The following DGKQ variants were observed in gnomAD, a reference collection of about 807,000 sequenced individuals.
DGKQ encodes the protein diacylglycerol kinase theta.
Under a neutral mutation model 104.2 loss-of-function variants are expected in DGKQ, and 97 were observed. The ratio of observed to expected loss-of-function variants is 0.93; its 90% CI spans 0.79 to 1.10. The LOEUF is 1.10. DGKQ is among the 50% of genes least tolerant of loss of function. The pLI is 0.00. For synonymous variants in DGKQ, 736 were observed against 595.2 expected, an observed-to-expected ratio of 1.24 and a Z score of -3.44; for missense variants, 1,465 against 1,352.1, an observed-to-expected ratio of 1.08 and a Z score of -1.31.
Position 973,064 on chromosome 4 carries a change from G to C in DGKQ, c.271+148C>G. Reference sequence around the variant, plus strand: ...AGCGGCCCCACGGCGCACAGGCCCCGGCCGCCCCACGAAGGCACGTCCCGC... The same window carrying C: ...AGCGGCCCCACGGCGCACAGGCCCCCGCCGCCCCACGAAGGCACGTCCCGC... On this transcript the variant is annotated intron_variant, in intron 1 of 22. Transcript: ENST00000273814. 11 of 1,263,970 alleles carry C rather than the reference G, an allele frequency of 8.7e-6. 1 individual carries two copies. The highest frequency in any genetic ancestry group is 1.1e-5 in the Non-Finnish European group (11 of 995,998). 78.3% of individuals were successfully genotyped at this position (1,263,970 alleles called of 1,614,324 possible). A position where few individuals can be genotyped will look rare whatever the true frequency, so the allele number is the denominator to read the frequency against.
Position 967,302 on chromosome 4 carries a change from C to T in DGKQ, c.1047G>A (p.Arg349=). The change falls in exon 9 of 23, where the codon CGG becomes CGA. Residue 349 remains arginine (R), a synonymous_variant. Coordinates refer to ENST00000273814, the MANE Select transcript of DGKQ (RefSeq NM_001347.4). ...CACAGGCCTGAGAGGAAGGGGGCAG[C>T]CGGCACAGCTCCAGGTGGCCAGGGT... The part of the protein sequence containing the change: ...PEDPGHLELC[R]LPPSSQACDA... 1 of 1,542,178 alleles carries T rather than the reference C, an allele frequency of 6.5e-7. No individual in the cohort carries two copies. The highest frequency in any genetic ancestry group is 8.7e-7 in the Non-Finnish European group (1 of 1,148,784).
Position 967,930 on chromosome 4 carries a change from C to A in DGKQ, c.761G>T (p.Gly254Val). ...GAAGCTCTGCGTCTTGCTGAAGCCG[C>A]CGGGCAGAAGGCGCACGCACGCGGG... Reference protein sequence around the residue: ...LPPACVRLLPGGFSKTQSFRI... With the variant: ...LPPACVRLLPVGFSKTQSFRI... Residue 254 changes from glycine to valine, a missense_variant, in exon 6 of 23, where the codon GGC becomes GTC. Transcript: ENST00000273814. 6.8e-7 allele frequency: 1 copy of A among 1,472,390 alleles called. No individual in the cohort carries two copies. The allele number at this position is 1,472,390 out of a possible 1,614,324, so 91.2% of individuals were successfully genotyped here.
intron 10 of DGKQ, 78 bp downstream of exon 10, chr4:966,886 G>C: frequency 6.4e-7 from 1 of 1,554,660 alleles, no homozygotes; most frequent in Non-Finnish European, 8.7e-7. Flanking sequence ...CCTGGGCTGG[G>C]ATGGTGGCCT....
chr4:968,487 G>A lies in DGKQ; in HGVS notation c.529C>T (p.Gln177Ter). The change falls in exon 4 of 23, where the codon CAG becomes TAG. Residue 177 changes from glutamine to a stop codon, truncating the protein, a stop_gained. Transcript: ENST00000273814. LOFTEE classifies it high-confidence loss of function. ...DCRQCHQDGH[Q>*]DHDTHHHHWR... ...GGGGCCGGTACACTCACGTGATCCT[G>A]GTGCCCATCCTGGTGGCACTGGCGG... 6.2e-7 allele frequency: 1 copy of A among 1,605,480 alleles called. No homozygotes were observed. The highest frequency in any genetic ancestry group is 8.5e-7 in the Non-Finnish European group (1 of 1,176,364).
At position 962,536 on chromosome 4, in the gene DGKQ, C is replaced by T. The variant is rs1711967918; in HGVS notation, c.2113G>A (p.Asp705Asn). The T allele has an allele frequency of 6.2e-7, 1 of 1,610,396 alleles. No homozygotes were observed. Among genetic ancestry groups the T allele is most frequent in the African/African-American group, 1.3e-5 (1 of 75,058 alleles). ...TCCATGAGCACGGCGTCGGCCTCGT[C>T]CACAGACAGCAGTACGGAGAACGGG... ...EDPFSVLLSVDEADAVLMDRW... is the reference protein window; with the variant it reads ...EDPFSVLLSVNEADAVLMDRW... Residue 705 changes from aspartate (D) to asparagine (N), a missense_variant, in exon 18 of 23, where the codon GAC becomes AAC. Physicochemically the swap from Asp to Asn is conservative, Grantham distance 23. Coordinates refer to ENST00000273814, the MANE Select transcript of DGKQ (RefSeq NM_001347.4).
chr4:961,557 C>T lies in DGKQ; in HGVS notation c.2484G>A (p.Leu828=), dbSNP rs767943588. 7.5e-6 allele frequency: 12 copies of T among 1,608,950 alleles called. No individual in the cohort carries two copies. The highest frequency in any genetic ancestry group is 1.0e-5 in the Non-Finnish European group (12 of 1,178,598). ...NIPSWGSGAD[L]WGSDSDTRFE... is the part of the protein sequence containing the mutation. The stretch of plus-strand genomic sequence containing the variant: ...ACCTGGTGTCGCTGTCGGAGCCCCA[C>T]AGGTCGGCCCCCGAGCCCCAGCTGC... The change falls in exon 21 of 23, where the codon CTG becomes CTA. Residue 828 remains leucine (L), a synonymous_variant. Coordinates refer to ENST00000273814, the MANE Select transcript of DGKQ (RefSeq NM_001347.4).
At position 962,540 on chromosome 4, in the gene DGKQ, A is replaced by G. The variant is rs1359821452; in HGVS notation, c.2109T>C (p.Ser703=). 1.9e-6 allele frequency: 3 copies of G among 1,610,338 alleles called. No homozygotes were observed. The highest frequency in any genetic ancestry group is 1.3e-5 in the African/African-American group (1 of 74,928). The change falls in exon 18 of 23, where the codon TCT becomes TCC. Residue 703 remains serine, a synonymous_variant. Transcript: ENST00000273814. ...TGAGCACGGCGTCGGCCTCGTCCACAGACAGCAGTACGGAGAACGGGTCCT... is the reference window on the plus strand; with the variant it reads ...TGAGCACGGCGTCGGCCTCGTCCACGGACAGCAGTACGGAGAACGGGTCCT... The part of the protein sequence containing the change: ...SGEDPFSVLL[S]VDEADAVLMD...
intron 10 of DGKQ, 39 bp from the exon 11 acceptor site, chr4:966,841 C>T (rs1211539143): frequency 1.3e-6 from 2 of 1,593,274 alleles, no homozygotes; most frequent in Non-Finnish European, 8.5e-7. Flanking sequence ...TGGGCAGGCC[C>T]CCACCACCTC....
chr4:973,468 G>T lies in DGKQ; in HGVS notation c.15C>A (p.Ala5=), dbSNP rs1257793036. 7.1e-6 allele frequency: 7 copies of T among 985,910 alleles called. No homozygotes were observed. Among genetic ancestry groups the T allele is most frequent in the Middle Eastern group, 5.1e-4 (1 of 1,960 alleles). 61.1% of individuals were successfully genotyped at this position (985,910 alleles called of 1,614,324 possible). The change falls in exon 1 of 23, where the codon GCC becomes GCA. Residue 5 remains alanine (A), a synonymous_variant. Coordinates refer to ENST00000273814, the MANE Select transcript of DGKQ (RefSeq NM_001347.4). ...CCAGCCAGGCGCGGGCCCCGGGCTC[G>T]GCCGCCGCCGCCATTCCCGGCCCGA... MAAA[A]EPGARAWLGG...
chr4:968,744 T>C, intron 3 of DGKQ, 67 bp downstream of exon 3: 2 of 1,466,198 alleles, frequency 1.4e-6, no homozygotes, highest in South Asian at 2.4e-5. Context: ...ACAGCAGGGG[T>C]GGGCTGGGCC....
In DGKQ at chr4:965,223, C is replaced by T. The variant is rs1712211041; in HGVS notation, c.1687G>A (p.Ala563Thr). The T allele has an allele frequency of 6.2e-7, 1 of 1,612,742 alleles. No homozygotes were observed. The highest frequency in any genetic ancestry group is 8.5e-7 in the Non-Finnish European group (1 of 1,179,932). Residue 563 changes from alanine to threonine, a missense_variant, in exon 15 of 23, where the codon GCT becomes ACT. By Grantham distance (58) the Ala-to-Thr change is moderately conservative. Coordinates refer to ENST00000273814, the MANE Select transcript of DGKQ (RefSeq NM_001347.4). ...GCAGTGAGCAGCCGGCCCCGCACAG[C>T]CATGTCCTTCAGCAGCATGTACAGC... is the stretch of plus-strand genomic sequence containing the variant. ...ERLYMLLKDM[A>T]VRGRLLTALV... is the part of the protein sequence containing the mutation.
rs530364703 is a variant in DGKQ, at chr4:966,441, G to A, written c.1428+25C>T. On this transcript the variant is annotated intron_variant, in intron 12 of 22. Transcript: ENST00000273814. ...GTGGCTGAGGGCTGCTGGTTCCCTGGGGGCCGGCGTCCACACCCACTCACC... is the reference window on the plus strand; with the variant it reads ...GTGGCTGAGGGCTGCTGGTTCCCTGAGGGCCGGCGTCCACACCCACTCACC... 5.6e-6 allele frequency: 9 copies of A among 1,609,774 alleles called. No individual in the cohort carries two copies. In the South Asian group the frequency reaches 9.9e-5, roughly 18 times the overall value.
In DGKQ at chr4:966,470, C is replaced by T. The variant is rs771516814; in HGVS notation, c.1424G>A (p.Arg475Gln). The stretch of plus-strand genomic sequence containing the variant: ...CCGGCGTCCACACCCACTCACCTGC[C>T]GGATGTCCTGTAGCCGGTCCAGCAG... ...QPLLDRLQDI[R>Q]QMSVRQVSQT... Residue 475 changes from arginine to glutamine, a missense_variant, in exon 12 of 23, where the codon CGG (arginine) becomes CAG (glutamine). Transcript: ENST00000273814. 8.1e-6 allele frequency: 13 copies of T among 1,612,412 alleles called. No individual in the cohort carries two copies. Among genetic ancestry groups the T allele is most frequent in the Admixed American group, 3.3e-5 (2 of 60,012 alleles).
At chr4:967,077 G>A in intron 9 of DGKQ, 23 bp from the exon 10 acceptor site, 3 of 1,545,296 alleles carry the variant, frequency 1.9e-6, no homozygotes, top group Non-Finnish European at 2.6e-6. Flanking sequence ...AGTCTGAGCT[G>A]GAGCTCCCCC....
At chr4:964,601 G>A (rs1712151066) in intron 15 of DGKQ, among the ~76,000 whole-genome samples, 1 of 152,152 alleles carries the variant, frequency 6.6e-6, no homozygotes, top group Non-Finnish European at 1.5e-5. Context: ...CTGTTGCCAG[G>A]TGCCCCCTCT....
At chr4:965,141 G>A in intron 15 of DGKQ, 35 bp downstream of exon 15, 1 of 1,579,038 alleles carries the variant, frequency 6.3e-7, no homozygotes, top group Non-Finnish European at 8.7e-7. Flanking sequence ...CCACCCCCTG[G>A]GGTGTGTGAA....
chr4:968,359 G>GCGCTCC lies in DGKQ; in HGVS notation c.580_585dup (p.Gly194_Ala195dup). 6.5e-7 allele frequency: 1 copy of GCGCTCC among 1,547,948 alleles called. No individual in the cohort carries two copies. The highest frequency in any genetic ancestry group is 8.7e-7 in the Non-Finnish European group (1 of 1,148,818). Reference sequence around the variant, plus strand: ...CACGTCTTCCTGCAGACCTCGCAGCGCGCTCCCGAGGGCAGGTTCCCCTCC... The same window carrying GCGCTCC: ...CACGTCTTCCTGCAGACCTCGCAGCGCGCTCCCGCTCCCGAGGGCAGGTTCCCCTCC... On this transcript the variant is annotated inframe_insertion, in exon 5 of 23. Transcript: ENST00000273814.
chr4:968,724 G>C, intron 3 of DGKQ, 87 bp downstream of exon 3: 1 of 1,398,392 alleles, frequency 7.2e-7, no homozygotes, highest in South Asian at 1.3e-5. Flanking sequence ...CATCACCCCT[G>C]ACAAGCTGCA....
At position 967,953 on chromosome 4, in the gene DGKQ, G is replaced by A. The variant is rs992861235; in HGVS notation, c.738C>T (p.Pro246=). Residue 246 remains proline (P), a synonymous_variant, in exon 6 of 23, where the codon CCC becomes CCT. Transcript: ENST00000273814. ...FGRLRSLVLP[P]ACVRLLPGGF... ...CGCCGGGCAGAAGGCGCACGCACGC[G>A]GGAGGCAGGACCAGGGAGCGCAGAC... 1.1e-5 allele frequency: 16 copies of A among 1,485,618 alleles called. No individual in the cohort carries two copies. The highest frequency in any genetic ancestry group is 2.6e-5 in the East Asian group (1 of 37,964). 92.0% of individuals were successfully genotyped at this position (1,485,618 alleles called of 1,614,324 possible). A position where few individuals can be genotyped will look rare whatever the true frequency, so the allele number is the denominator to read the frequency against.
Sources: allele counts gnomAD v4.1 joint callset (sites outside exome capture counted in the v4.1 genomes callset), GRCh38; gene constraint gnomAD v4.1.1; transcripts MANE v1.5; gene names NCBI Gene and HGNC (gene_info 2026-07-23, HGNC 2026-07-21).